PIK3CB: variants seen among roughly 807,000 people sequenced by gnomAD.
PIK3CB encodes phosphatidylinositol 4,5-bisphosphate 3-kinase catalytic subunit beta isoform.
Under a neutral mutation model 136.8 loss-of-function variants are expected in PIK3CB, and 39 were observed. The ratio of observed to expected loss-of-function variants is 0.29; its 90% CI spans 0.22 to 0.37. The LOEUF is 0.37. Ranked by LOEUF, PIK3CB falls within the 10% of genes least tolerant of loss-of-function variation. The pLI, the probability that PIK3CB is intolerant of heterozygous loss-of-function variation, is 1.00. For missense variants in PIK3CB, 868 were observed against 1,275.4 expected (o/e 0.68, Z 4.87); for synonymous variants, 428 against 436.6 (o/e 0.98, Z 0.25).
Position 138,665,048 on chromosome 3 carries a change from T to A in PIK3CB, c.2660A>T (p.Glu887Val). The A allele has an allele frequency of 6.2e-7, 1 of 1,602,852 alleles. No homozygotes were observed. Among genetic ancestry groups the A allele is most frequent in the Non-Finnish European group, 8.5e-7 (1 of 1,173,336 alleles). ...NKDALLNWLK[E>V]YNSGDDLDRA... is the part of the protein sequence containing the mutation. ...AGAATAAACTAACCCAGAGTTGTAT[T>A]CTTTAAGCCAGTTCAGAAGGGCATC... The change falls in exon 20 of 24, where the codon GAA (glutamate) becomes GTA (valine). Residue 887 changes from glutamate to valine, a missense_variant. Physicochemically the swap from Glu to Val is moderately radical, Grantham distance 121 (BLOSUM62 -2). Coordinates refer to ENST00000674063, the MANE Select transcript of PIK3CB (RefSeq NM_006219.3).
At chr3:138,683,864 G>C (rs1341875127) in intron 17 of PIK3CB, 77 bp from the exon 18 acceptor site, 1 of 804,896 alleles carries the variant, frequency 1.2e-6, no homozygotes, top group South Asian at 1.4e-5. Flanking sequence ...TATATACTAG[G>C]CTTGGGAAAA....
rs755108895 is a variant in PIK3CB at position 138,742,688 on chromosome 3, A to C, written c.491T>G (p.Val164Gly). 1 of 1,612,898 alleles carries C rather than the reference A, an allele frequency of 6.2e-7. No homozygotes were observed. The highest frequency in any genetic ancestry group is 1.7e-5 in the Admixed American group (1 of 59,954). The change falls in exon 5 of 24, where the codon GTG (valine) becomes GGG (glycine). Residue 164 changes from valine (V) to glycine (G), a missense_variant. Around this residue, in one of 4 missense-constraint regions of PIK3CB, gnomAD observed 612 missense variants for 801.1 expected, o/e 0.76. Coordinates refer to ENST00000674063, the MANE Select transcript of PIK3CB (RefSeq NM_006219.3). ...TAGCCAGTCCATCCAAGACAATCCC[A>C]CAAGTGACAGGATTTTTTCCTCGCT... Reference protein sequence around the residue: ...KFSEEKILSLVGLSWMDWLKQ... With the variant: ...KFSEEKILSLGGLSWMDWLKQ...
intron 2 of PIK3CB, among the ~76,000 whole-genome samples, chr3:138,789,745 GT>G (rs1478385141): frequency 6.6e-6 from 1 of 151,666 alleles, no homozygotes; most frequent in Non-Finnish European, 1.5e-5. Context: ...CCAGGCTGGA[GT>G]TTAGTGGTGT....
At chr3:138,680,741 T>C (rs1462802571) in intron 19 of PIK3CB, among the ~76,000 whole-genome samples, 2 of 151,986 alleles carry the variant, frequency 1.3e-5, no homozygotes, top group Non-Finnish European at 2.9e-5. Flanking sequence ...CTGACTGGAA[T>C]GCAGTGGCAT....
chr3:138,793,525 G>C (rs141352520), intron 2 of PIK3CB, among the ~76,000 whole-genome samples: 23 of 151,718 alleles, frequency 1.5e-4, no homozygotes, highest in African/African-American at 5.3e-4. Flanking sequence ...AGAATCGCTT[G>C]AATCTGGGAG....
At chr3:138,751,368 G>A (rs770070525) in intron 4 of PIK3CB, among the ~76,000 whole-genome samples, 24 of 151,998 alleles carry the variant, frequency 1.6e-4, no homozygotes, top group Non-Finnish European at 2.1e-4. Flanking sequence ...TGAGGCAGGA[G>A]AATGGCGTGA....
intron 2 of PIK3CB, among the ~76,000 whole-genome samples, chr3:138,760,066 C>G (rs777096469): frequency 6.6e-6 from 1 of 152,080 alleles, no homozygotes; most frequent in Non-Finnish European, 1.5e-5. Context: ...AGACTACAGG[C>G]GCCTGCCACC....
chr3:138,793,628 A>G (rs191871254), intron 2 of PIK3CB, among the ~76,000 whole-genome samples: 1 of 140,416 alleles, frequency 7.1e-6, no homozygotes, highest in East Asian at 2.7e-4. Flanking sequence ...AAAAGTTTAA[A>G]CCTCAAGGTG....
intron 21 of PIK3CB, among the ~76,000 whole-genome samples, chr3:138,663,110 G>A (rs1386854246): frequency 6.6e-6 from 1 of 152,046 alleles, no homozygotes; most frequent in East Asian, 1.9e-4. Context: ...ACTACCATCA[G>A]AGTGAACAGG....
intron 8 of PIK3CB, 75 bp downstream of exon 8, chr3:138,733,286 G>A (rs1407331988): frequency 3.3e-6 from 2 of 600,210 alleles, no homozygotes; most frequent in Non-Finnish European, 6.1e-6. Flanking sequence ...TCTCCAATGT[G>A]ACATTATTGA....
intron 2 of PIK3CB, among the ~76,000 whole-genome samples, chr3:138,772,633 ATTTTTT>A (rs142422129): frequency 4.1e-5 from 5 of 123,244 alleles, no homozygotes; most frequent in African/African-American, 6.0e-5. Context: ...CATTCTTTTG[ATTTTTT>A]TTTTTTTTTT....
At chr3:138,735,257 T>A (rs750417201) in intron 6 of PIK3CB, among the ~76,000 whole-genome samples, 1 of 152,014 alleles carries the variant, frequency 6.6e-6, no homozygotes, top group Non-Finnish European at 1.5e-5. Flanking sequence ...CCTAAGCATA[T>A]GAGAATTTTA....
intron 16 of PIK3CB, among the ~76,000 whole-genome samples, chr3:138,686,089 A>T (rs1258628191): frequency 2.6e-5 from 4 of 152,060 alleles, no homozygotes; most frequent in African/African-American, 4.8e-5. Context: ...GTGAGCCAAG[A>T]TCGTACCACT....
At chr3:138,714,793 T>C in intron 8 of PIK3CB, 74 bp from the exon 9 acceptor site, 2 of 1,330,388 alleles carry the variant, frequency 1.5e-6, no homozygotes, top group Non-Finnish European at 2.0e-6. Flanking sequence ...TTTTGTTTGT[T>C]TGTTTGTTTC....
At chr3:138,833,508 T>TC (rs1287170490) in intron 1 of PIK3CB, among the ~76,000 whole-genome samples, 1 of 152,102 alleles carries the variant, frequency 6.6e-6, no homozygotes, top group African/African-American at 2.4e-5. Context: ...AGCATAAAAA[T>TC]CCCCAAATGA....
intron 13 of PIK3CB, among the ~76,000 whole-genome samples, chr3:138,695,153 G>C (rs1392595222): frequency 1.3e-5 from 2 of 152,066 alleles, no homozygotes; most frequent in African/African-American, 4.8e-5. Flanking sequence ...GGGTGAGAGA[G>C]AAAAAAATGT....
intron 8 of PIK3CB, among the ~76,000 whole-genome samples, chr3:138,721,084 A>G (rs361062): frequency 0.49 from 74,448 of 151,950 alleles, 20,746 homozygotes; most frequent in East Asian, 0.98. Context: ...AACACTCCAC[A>G]TATCTTCATG....
Position 138,829,988 on chromosome 3 carries a change from C to A in PIK3CB, c.-122+4707G>T, listed in dbSNP as rs952627815. On this transcript the variant is annotated intron_variant, in intron 1 of 23. Coordinates refer to ENST00000674063, the MANE Select transcript of PIK3CB (RefSeq NM_006219.3). ...ACAACAATTTACTTATTTTTAGTTTCTCTACTAAAAATAAATAAATAAACC... is the reference window on the plus strand; with the variant it reads ...ACAACAATTTACTTATTTTTAGTTTATCTACTAAAAATAAATAAATAAACC... Among the ~76,000 whole-genome samples the A allele has an allele frequency of 2.0e-5, 3 of 151,972 alleles. No individual in the cohort carries two copies. The East Asian group carries it at 5.8e-4, about 29-fold the overall frequency.
intron 9 of PIK3CB, among the ~76,000 whole-genome samples, chr3:138,713,989 C>G (rs1185800476): frequency 2.6e-5 from 4 of 152,182 alleles, no homozygotes; most frequent in Non-Finnish European, 5.9e-5. Flanking sequence ...TGATATATTT[C>G]ACTCCAAATA....
Sources: allele counts gnomAD v4.1 joint callset (sites outside exome capture counted in the v4.1 genomes callset), GRCh38; gene constraint gnomAD v4.1.1; regional missense constraint gnomAD v4.1.1; transcripts MANE v1.5; gene names NCBI Gene and HGNC (gene_info 2026-07-23, HGNC 2026-07-21).